PBX4: variants seen among roughly 807,000 people sequenced by gnomAD.
The protein encoded by PBX4 is PBX homeobox 4.
In PBX4, 26 loss-of-function variants were observed where a neutral mutation model predicts 35.1. The ratio of observed to expected loss-of-function variants is 0.74; its 90% CI spans 0.54 to 1.03. PBX4 has a LOEUF of 1.03. Among genes scored for constraint, PBX4 ranks in the 50% least tolerant of loss-of-function variants. PBX4 has a pLI of 0.00. For synonymous variants in PBX4, 199 were observed against 204.2 expected, an observed-to-expected ratio of 0.97 and a Z score of 0.22; for missense variants, 448 against 504.3, an observed-to-expected ratio of 0.89 and a Z score of 1.07.
At chr19:19,618,383 T>C (rs2061698976) in intron 1 of PBX4, 128 bp downstream of exon 1, 3 of 855,798 alleles carry the variant, frequency 3.5e-6, no homozygotes, top group Non-Finnish European at 4.7e-6. Flanking sequence ...CATCCCTTCG[T>C]CCTCGGGACC....
intron 2 of PBX4, among the ~76,000 whole-genome samples, chr19:19,592,757 C>G (rs946653047): frequency 6.6e-6 from 1 of 152,158 alleles, no homozygotes; most frequent in East Asian, 1.9e-4. Flanking sequence ...CGGGACAGAC[C>G]CTGAGAACAT....
At chr19:19,595,618 T>C (rs1306619638) in intron 2 of PBX4, among the ~76,000 whole-genome samples, 1 of 151,910 alleles carries the variant, frequency 6.6e-6, no homozygotes, top group African/African-American at 2.4e-5. Context: ...GAGAGGCATA[T>C]GAGGTGGGCA....
intron 2 of PBX4, among the ~76,000 whole-genome samples, chr19:19,586,892 C>T (rs2061492681): frequency 6.6e-6 from 1 of 151,858 alleles, no homozygotes; most frequent in Non-Finnish European, 1.5e-5. Context: ...GATCGCGCCA[C>T]TGTACTCCAG....
intron 2 of PBX4, among the ~76,000 whole-genome samples, chr19:19,595,108 G>A (rs1333548208): frequency 1.3e-5 from 2 of 152,188 alleles, no homozygotes; most frequent in Non-Finnish European, 2.9e-5. Flanking sequence ...GCAGTGGGGA[G>A]CCCCCAAAGG....
chr19:19,587,719 C>T lies in PBX4; in HGVS notation c.193+11573G>A, dbSNP rs117171447. ...CTGCAAGAACATGTTTTCCACTGAGCGTAGTTTCACAGTCAACTACTCAAG... is the reference window on the plus strand; with the variant it reads ...CTGCAAGAACATGTTTTCCACTGAGTGTAGTTTCACAGTCAACTACTCAAG... On this transcript the variant is annotated intron_variant, in intron 2 of 7. Coordinates refer to ENST00000251203, the MANE Select transcript of PBX4 (RefSeq NM_025245.3). Among the ~76,000 whole-genome samples the T allele has an allele frequency of 9.9e-4, 149 of 150,972 alleles. 4 individuals carry two copies. The East Asian group carries it at 0.028, about 29-fold the overall frequency.
At chr19:19,595,635 CA>C (rs555632289) in intron 2 of PBX4, among the ~76,000 whole-genome samples, 98 of 151,764 alleles carry the variant, frequency 6.5e-4, no homozygotes, top group African/African-American at 2.0e-3. Context: ...GGCAGGAAGC[CA>C]GGGGCATCAC....
chr19:19,594,924 G>A (rs1238978966), intron 2 of PBX4, among the ~76,000 whole-genome samples: 1 of 152,152 alleles, frequency 6.6e-6, no homozygotes, highest in East Asian at 1.9e-4. Context: ...GTTTCATCAT[G>A]TTGGTCAGGC....
intron 1 of PBX4, among the ~76,000 whole-genome samples, chr19:19,600,461 C>T (rs2061590164): frequency 6.6e-6 from 1 of 150,384 alleles, no homozygotes; most frequent in Non-Finnish European, 1.5e-5. Context: ...GAGTTAGAGG[C>T]TGTAGTGAGC....
intron 2 of PBX4, among the ~76,000 whole-genome samples, chr19:19,585,755 T>C (rs2061485001): frequency 6.6e-6 from 1 of 152,234 alleles, no homozygotes. Flanking sequence ...TTTGTAATTC[T>C]TTCCACCCTT....
intron 6 of PBX4, among the ~76,000 whole-genome samples, chr19:19,564,105 T>G (rs1289812193): frequency 6.6e-6 from 1 of 150,882 alleles, no homozygotes; most frequent in East Asian, 2.0e-4. Flanking sequence ...ACTCGTCATC[T>G]AGCATTAGGT....
intron 2 of PBX4, among the ~76,000 whole-genome samples, chr19:19,581,787 T>C (rs990349255): frequency 6.6e-6 from 1 of 152,278 alleles, no homozygotes; most frequent in South Asian, 2.1e-4. Context: ...GTGCTGCCAT[T>C]GGCTTTGGGA....
intron 1 of PBX4, among the ~76,000 whole-genome samples, chr19:19,616,755 C>T (rs749048838): frequency 6.6e-6 from 1 of 150,790 alleles, no homozygotes; most frequent in Non-Finnish European, 1.5e-5. Flanking sequence ...GTGATCTCGG[C>T]TCACTGCAGC....
chr19:19,570,587 T>G lies in PBX4; in HGVS notation c.440A>C (p.Gln147Pro), dbSNP rs779954628. ...IYHSELEKYEQACREFTTHVT... is the reference protein window; with the variant it reads ...IYHSELEKYEPACREFTTHVT... The stretch of plus-strand genomic sequence containing the variant: ...AACTCTTCCATGCAGAAAGATCACC[T>G]GTTCATATTTCTCTAGCTCAGAGTG... The change falls in exon 3 of 8, where the codon CAG becomes CCG. Residue 147 changes from glutamine to proline, a missense_variant and splice_region_variant. Physicochemically the swap from Gln to Pro is moderately conservative, Grantham distance 76. Coordinates refer to ENST00000251203, the MANE Select transcript of PBX4 (RefSeq NM_025245.3). The G allele has an allele frequency of 6.2e-7, 1 of 1,612,840 alleles. No individual in the cohort carries two copies. The highest frequency in any genetic ancestry group is 8.5e-7 in the Non-Finnish European group (1 of 1,178,918).
chr19:19,577,756 G>A (rs993089577), intron 2 of PBX4, among the ~76,000 whole-genome samples: 4 of 152,102 alleles, frequency 2.6e-5, no homozygotes, highest in Non-Finnish European at 4.4e-5. Flanking sequence ...CTACTTGGGA[G>A]GCTGAGGCAG....
At chr19:19,602,364 C>T (rs764186426) in intron 1 of PBX4, among the ~76,000 whole-genome samples, 3 of 152,170 alleles carry the variant, frequency 2.0e-5, no homozygotes, top group Non-Finnish European at 2.9e-5. Context: ...GAAGCGGAAG[C>T]AGCAATCACA....
At chr19:19,616,237 A>G (rs967527969) in intron 1 of PBX4, among the ~76,000 whole-genome samples, 8 of 152,166 alleles carry the variant, frequency 5.3e-5, no homozygotes, top group Non-Finnish European at 1.2e-4. Flanking sequence ...GGTAAACGGG[A>G]TGGGAGGTCT....
At chr19:19,580,535 G>C (rs1600413507) in intron 2 of PBX4, among the ~76,000 whole-genome samples, 1 of 152,314 alleles carries the variant, frequency 6.6e-6, no homozygotes, top group East Asian at 1.9e-4. Context: ...TTCAGAAGGA[G>C]AGCTCAACTT....
intron 1 of PBX4, among the ~76,000 whole-genome samples, chr19:19,617,639 CTA>C (rs1419613590): frequency 6.6e-6 from 1 of 152,108 alleles, no homozygotes; most frequent in Non-Finnish European, 1.5e-5. Context: ...AGAGCAGGGA[CTA>C]TGTCAGCACC....
At chr19:19,603,631 G>A (rs928730020) in intron 1 of PBX4, among the ~76,000 whole-genome samples, 17 of 152,260 alleles carry the variant, frequency 1.1e-4, no homozygotes, top group African/African-American at 4.1e-4. Context: ...ATGCCAAAAA[G>A]CCAGTCTAGA....
Sources: gnomAD v4.1 joint callset for allele counts (sites outside exome capture counted in the v4.1 genomes callset) on GRCh38, gnomAD v4.1.1 for gene constraint, MANE v1.5 for transcripts, NCBI Gene and HGNC (gene_info 2026-07-23, HGNC 2026-07-21) for gene names.